Variants in CNTNAP5 observed in about 807,000 individuals in gnomAD.
CNTNAP5 encodes contactin associated protein family member 5.
Under a neutral mutation model 150.2 loss-of-function variants are expected in CNTNAP5, and 72 were observed. The observed-to-expected ratio is 0.48, with a 90% CI of 0.40 to 0.58. The LOEUF (loss-of-function observed/expected upper bound fraction) is 0.58, where lower values mean the gene tolerates loss of function less well. CNTNAP5 is among the 20% of genes least tolerant of loss of function. The probability of loss-of-function intolerance (pLI) is 0.00; values close to 1 mark genes in which losing one functional copy is unlikely to be tolerated. For synonymous variants in CNTNAP5, 672 were observed against 619.8 expected, an observed-to-expected ratio of 1.08 and a Z score of -1.25; for missense variants, 1,636 against 1,626.2, an observed-to-expected ratio of 1.01 and a Z score of -0.10.
intron 1 of CNTNAP5, among the ~76,000 whole-genome samples, chr2:124,055,553 C>CAGTGACTCCTTAG (rs1681822786): frequency 6.6e-6 from 1 of 152,168 alleles, no homozygotes; most frequent in East Asian, 1.9e-4. Context: ...TGACTCCTTA[C>CAGTGACTCCTTAG]CAGTGGGATA....
intron 3 of CNTNAP5, among the ~76,000 whole-genome samples, chr2:124,340,850 TACAC>T (rs535439353): frequency 3.4e-5 from 5 of 148,266 alleles, no homozygotes; most frequent in African/African-American, 1.2e-4. Flanking sequence ...TGTATATATG[TACAC>T]ACACACTATA....
At chr2:124,204,800 G>C (rs1445033486) in intron 1 of CNTNAP5, among the ~76,000 whole-genome samples, 1 of 152,006 alleles carries the variant, frequency 6.6e-6, no homozygotes, top group South Asian at 2.1e-4. Flanking sequence ...CCTCCCACAG[G>C]TTCCTGATTA....
chr2:124,309,096 A>C (rs2104654899), intron 3 of CNTNAP5, among the ~76,000 whole-genome samples: 1 of 152,312 alleles, frequency 6.6e-6, no homozygotes, highest in Admixed American at 6.5e-5. Flanking sequence ...TTCTAAATTA[A>C]GCACATCAAA....
At chr2:124,606,148 GAAAAGA>G (rs1296977770) in intron 11 of CNTNAP5, among the ~76,000 whole-genome samples, 1 of 151,990 alleles carries the variant, frequency 6.6e-6, no homozygotes, top group African/African-American at 2.4e-5. Flanking sequence ...ATTTTGTTCA[GAAAAGA>G]AAAAGTAATC....
At chr2:124,221,566 T>G (rs1174045357) in intron 1 of CNTNAP5, 139 bp from the exon 2 acceptor site, 3 of 604,132 alleles carry the variant, frequency 5.0e-6, no homozygotes, top group Non-Finnish European at 8.8e-6. Context: ...CAGTAACACA[T>G]GGAAACCGGG....
At chr2:124,515,991 A>T (rs879457235) in intron 8 of CNTNAP5, among the ~76,000 whole-genome samples, 4 of 152,178 alleles carry the variant, frequency 2.6e-5, no homozygotes, top group Non-Finnish European at 5.9e-5. Context: ...GGTGTCCTCT[A>T]TCAGAAAGAG....
intron 1 of CNTNAP5, among the ~76,000 whole-genome samples, chr2:124,060,380 AT>A (rs1261074542): frequency 6.6e-6 from 1 of 152,202 alleles, no homozygotes; most frequent in Non-Finnish European, 1.5e-5. Flanking sequence ...GTAAAAACAG[AT>A]TGGGGGACCG....
At chr2:124,616,808 G>T (rs1446952224) in intron 12 of CNTNAP5, among the ~76,000 whole-genome samples, 1 of 152,236 alleles carries the variant, frequency 6.6e-6, no homozygotes, top group East Asian at 1.9e-4. Flanking sequence ...ATCTCAGGGA[G>T]TAGGGAGGCC....
chr2:124,489,660 T>C (rs920585166), intron 7 of CNTNAP5, among the ~76,000 whole-genome samples: 1 of 152,120 alleles, frequency 6.6e-6, no homozygotes, highest in Non-Finnish European at 1.5e-5. Context: ...AACTAAAATA[T>C]AGGATTTTCA....
At chr2:124,860,265 G>A (rs967968326) in intron 19 of CNTNAP5, among the ~76,000 whole-genome samples, 1 of 151,950 alleles carries the variant, frequency 6.6e-6, no homozygotes, top group African/African-American at 2.4e-5. Context: ...CAGGAGAATG[G>A]TGTGAACCCG....
chr2:124,311,216 C>T (rs1449968403), intron 3 of CNTNAP5, among the ~76,000 whole-genome samples: 1 of 152,076 alleles, frequency 6.6e-6, no homozygotes, highest in African/African-American at 2.4e-5. Flanking sequence ...ACTAGGATTG[C>T]CATAACAGAA....
intron 3 of CNTNAP5, among the ~76,000 whole-genome samples, chr2:124,244,494 G>A (rs1686969730): frequency 6.6e-6 from 1 of 152,096 alleles, no homozygotes; most frequent in South Asian, 2.1e-4. Flanking sequence ...GGGCAGAGAA[G>A]GAAAGGCAGG....
chr2:124,469,152 T>G (rs1693446739), intron 6 of CNTNAP5, among the ~76,000 whole-genome samples: 1 of 152,228 alleles, frequency 6.6e-6, no homozygotes, highest in South Asian at 2.1e-4. Context: ...CAACTGCCTC[T>G]GAAAATCTTC....
intron 1 of CNTNAP5, among the ~76,000 whole-genome samples, chr2:124,061,685 GCA>G (rs1214412195): frequency 6.6e-6 from 1 of 152,096 alleles, no homozygotes; most frequent in Non-Finnish European, 1.5e-5. Flanking sequence ...GAAAAAAATA[GCA>G]CAGTTAAAAA....
At chr2:124,711,837 T>C (rs995364489) in intron 13 of CNTNAP5, among the ~76,000 whole-genome samples, 1 of 152,056 alleles carries the variant, frequency 6.6e-6, no homozygotes. Context: ...CAATACTCTG[T>C]CTCAAAAAAA....
intron 1 of CNTNAP5, among the ~76,000 whole-genome samples, chr2:124,040,650 T>TGTGTGTGC: frequency 6.6e-6 from 1 of 151,862 alleles, no homozygotes; most frequent in African/African-American, 2.4e-5. Context: ...TGTGTGTGTG[T>TGTGTGTGC]GTGTGTAACA....
At chr2:124,454,287 C>T (rs1693061141) in intron 6 of CNTNAP5, among the ~76,000 whole-genome samples, 1 of 152,084 alleles carries the variant, frequency 6.6e-6, no homozygotes, top group Non-Finnish European at 1.5e-5. Flanking sequence ...AAAGCAACAG[C>T]AGTTAAAAGA....
chr2:124,489,855 C>T (rs1487780924), intron 7 of CNTNAP5, among the ~76,000 whole-genome samples: 1 of 152,106 alleles, frequency 6.6e-6, no homozygotes, highest in East Asian at 1.9e-4. Flanking sequence ...TGAGTCAGCT[C>T]CCTTCAAGGA....
At chr2:124,185,283 T>A (rs971168613) in intron 1 of CNTNAP5, among the ~76,000 whole-genome samples, 1 of 152,150 alleles carries the variant, frequency 6.6e-6, no homozygotes, top group African/African-American at 2.4e-5. Flanking sequence ...TGAGACCTTG[T>A]TTGGTTTTGG....
Sources: allele counts gnomAD v4.1 joint callset (sites outside exome capture counted in the v4.1 genomes callset), GRCh38; gene constraint gnomAD v4.1.1; transcripts MANE v1.5; gene names NCBI Gene and HGNC (gene_info 2026-07-23, HGNC 2026-07-21).